The following PTPRN2 variants were observed in gnomAD, a reference collection of about 807,000 sequenced individuals.
The protein encoded by PTPRN2 is protein tyrosine phosphatase receptor type N2, also known as receptor-type tyrosine-protein phosphatase N2.
Under a neutral mutation model 118.8 loss-of-function variants are expected in PTPRN2, and 74 were observed. That is an observed-to-expected ratio of 0.62 (90% CI 0.52 to 0.76). PTPRN2 has a LOEUF of 0.76. Ranked by LOEUF, PTPRN2 falls within the 30% of genes least tolerant of loss-of-function variation. The probability of loss-of-function intolerance (pLI) is 0.00; values close to 1 mark genes in which losing one functional copy is unlikely to be tolerated. For missense variants in PTPRN2, 1,481 were observed against 1,394.4 expected (o/e 1.06, Z -0.99); for synonymous variants, 641 against 608.0 (o/e 1.05, Z -0.80).
At chr7:158,488,828 T>G (rs1821222913) in intron 2 of PTPRN2, among the ~76,000 whole-genome samples, 1 of 152,256 alleles carries the variant, frequency 6.6e-6, no homozygotes, top group Non-Finnish European at 1.5e-5. Context: ...CCTCGCTCAG[T>G]GCGCCCCGGG....
At chr7:157,790,599 G>T (rs1293134636) in intron 12 of PTPRN2, among the ~76,000 whole-genome samples, 1 of 152,154 alleles carries the variant, frequency 6.6e-6, no homozygotes, top group Admixed American at 6.5e-5. Flanking sequence ...ATAAACACAA[G>T]TGGGAAATTG....
At chr7:158,241,509 A>C (rs539425975) in intron 3 of PTPRN2, among the ~76,000 whole-genome samples, 99 of 152,276 alleles carry the variant, frequency 6.5e-4, no homozygotes, top group Non-Finnish European at 1.3e-3. Context: ...GTAAGACTCT[A>C]TCTCAAAAAA....
At chr7:158,320,365 T>G (rs1802896900) in intron 2 of PTPRN2, among the ~76,000 whole-genome samples, 1 of 152,232 alleles carries the variant, frequency 6.6e-6, no homozygotes, top group South Asian at 2.1e-4. Flanking sequence ...ACAATCAGAC[T>G]AACAGTGGCC....
intron 11 of PTPRN2, among the ~76,000 whole-genome samples, chr7:157,994,559 G>GC (rs1804526549): frequency 8.9e-5 from 2 of 22,548 alleles, no homozygotes; most frequent in East Asian, 3.4e-3. Context: ...AATCAGCACC[G>GC]CGTCCCCAGC....
chr7:157,955,144 G>A (rs1280787409), intron 11 of PTPRN2, among the ~76,000 whole-genome samples: 1 of 152,124 alleles, frequency 6.6e-6, no homozygotes, highest in African/African-American at 2.4e-5. Context: ...CAGCACACAC[G>A]AATGCTGGAT....
At chr7:157,940,598 C>T (rs1191461547) in intron 11 of PTPRN2, among the ~76,000 whole-genome samples, 2 of 150,398 alleles carry the variant, frequency 1.3e-5, no homozygotes, top group Non-Finnish European at 3.0e-5. Flanking sequence ...TCCCCAGTGA[C>T]ACTGCAAATC....
At chr7:158,320,188 C>T (rs142015474) in intron 2 of PTPRN2, among the ~76,000 whole-genome samples, 68 of 110,406 alleles carry the variant, frequency 6.2e-4, no homozygotes, top group Middle Eastern at 4.9e-3. Flanking sequence ...CAGCCTCCCT[C>T]GTACACACAC....
At chr7:158,458,496 A>G (rs1165788952) in intron 2 of PTPRN2, among the ~76,000 whole-genome samples, 2 of 152,070 alleles carry the variant, frequency 1.3e-5, no homozygotes, top group African/African-American at 4.8e-5. Context: ...CCCGGTTTTT[A>G]AAAGCTCTAA....
intron 11 of PTPRN2, among the ~76,000 whole-genome samples, chr7:158,036,306 C>A (rs1213071633): frequency 2.0e-5 from 3 of 152,176 alleles, no homozygotes; most frequent in Non-Finnish European, 4.4e-5. Context: ...TCTGACTATA[C>A]TTGTAACCAT....
intron 11 of PTPRN2, among the ~76,000 whole-genome samples, chr7:157,923,519 A>G (rs1798806347): frequency 6.6e-6 from 1 of 152,174 alleles, no homozygotes; most frequent in Non-Finnish European, 1.5e-5. Context: ...CCGTCTTTCC[A>G]CCTGTGTCAG....
intron 12 of PTPRN2, among the ~76,000 whole-genome samples, chr7:157,791,027 C>A (rs1032564747): frequency 7.9e-5 from 12 of 151,962 alleles, no homozygotes; most frequent in African/African-American, 2.7e-4. Context: ...AGTAATTTGG[C>A]AATAAAAATG....
At chr7:158,552,540 C>G (rs927485646) in intron 1 of PTPRN2, among the ~76,000 whole-genome samples, 1 of 152,212 alleles carries the variant, frequency 6.6e-6, no homozygotes, top group African/African-American at 2.4e-5. Flanking sequence ...ATCTCTTCCT[C>G]TCTGGTTCAA....
At chr7:158,273,178 G>A (rs1798627276) in intron 3 of PTPRN2, among the ~76,000 whole-genome samples, 1 of 152,164 alleles carries the variant, frequency 6.6e-6, no homozygotes, top group African/African-American at 2.4e-5. Context: ...CGCAGGGGAG[G>A]AACCCTCCTA....
chr7:157,807,734 G>A (rs1054915864), intron 12 of PTPRN2, among the ~76,000 whole-genome samples: 5 of 152,180 alleles, frequency 3.3e-5, no homozygotes, highest in East Asian at 1.9e-4. Flanking sequence ...ACTAGGCACC[G>A]CCCCTGCAAA....
At chr7:158,077,494 C>T in intron 11 of PTPRN2, among the ~76,000 whole-genome samples, 1 of 144,834 alleles carries the variant, frequency 6.9e-6, no homozygotes, top group Non-Finnish European at 1.5e-5. Context: ...GGAAACTGCT[C>T]AGGACAGGAG....
chr7:158,186,050 T>C (rs1825102843), intron 5 of PTPRN2, among the ~76,000 whole-genome samples: 1 of 152,170 alleles, frequency 6.6e-6, no homozygotes, highest in Non-Finnish European at 1.5e-5. Flanking sequence ...GCATCTCACA[T>C]ACTCAGCGAA....
chr7:157,654,262 A>G (rs1412617364), intron 14 of PTPRN2, among the ~76,000 whole-genome samples: 1 of 54,690 alleles, frequency 1.8e-5, no homozygotes, highest in Admixed American at 2.4e-4. Flanking sequence ...ACCACTCCCC[A>G]CACCCACCCC....
At chr7:158,458,539 C>A (rs1818708881) in intron 2 of PTPRN2, among the ~76,000 whole-genome samples, 3 of 152,122 alleles carry the variant, frequency 2.0e-5, no homozygotes, top group Non-Finnish European at 2.9e-5. Context: ...CGCCCCCACC[C>A]AACAGCCCCA....
In PTPRN2 at chr7:157,656,512, G is replaced by T; in HGVS notation, c.2041C>A (p.Arg681=). 6.4e-7 allele frequency: 1 copy of T among 1,551,650 alleles called. No homozygotes were observed. Among genetic ancestry groups the T allele is most frequent in the Non-Finnish European group, 8.7e-7 (1 of 1,153,676 alleles). ...CGTGACGTGTGCGGGCCCTCAGGTC[G>T]GTCTGGTGGCCGCGTGGCCATACGC... ...RQRMATRPPD[R]PEGPHTSRIS... The change falls in exon 14 of 23, where the codon CGA becomes AGA. Residue 681 remains arginine, a synonymous_variant. Coordinates refer to ENST00000389418, the MANE Select transcript of PTPRN2 (RefSeq NM_002847.5).
Sources: gnomAD v4.1 joint callset for allele counts (sites outside exome capture counted in the v4.1 genomes callset) on GRCh38, gnomAD v4.1.1 for gene constraint, MANE v1.5 for transcripts, NCBI Gene and HGNC (gene_info 2026-07-23, HGNC 2026-07-21) for gene names.